The following CACNA2D1 variants were observed in gnomAD, a reference collection of about 807,000 sequenced individuals.
CACNA2D1 encodes voltage-dependent calcium channel subunit alpha-2/delta-1.
A neutral mutation model predicts 171.5 loss-of-function variants in CACNA2D1; 53 were observed. That is an observed-to-expected ratio of 0.31 (90% confidence interval 0.25 to 0.39). The LOEUF (loss-of-function observed/expected upper bound fraction) is 0.39. Ranked by LOEUF, CACNA2D1 falls within the 10% of genes least tolerant of loss-of-function variation. CACNA2D1 has a pLI of 1.00. For synonymous variants in CACNA2D1, 442 were observed against 443.1 expected (o/e 1.00, Z 0.03); for missense variants, 903 against 1,299.8 (o/e 0.69, Z 4.69).
intron 4 of CACNA2D1, among the ~76,000 whole-genome samples, chr7:82,157,877 C>T (rs1022549992): frequency 1.3e-5 from 2 of 151,922 alleles, no homozygotes; most frequent in South Asian, 2.1e-4. Context: ...TATTAGATTT[C>T]ACCAATTGTT....
intron 3 of CACNA2D1, among the ~76,000 whole-genome samples, chr7:82,300,062 T>C (rs1318092266): frequency 6.6e-6 from 1 of 152,094 alleles, no homozygotes; most frequent in Non-Finnish European, 1.5e-5. Flanking sequence ...ATAATACAGG[T>C]AGGTGTCTCT....
At chr7:82,121,617 T>C (rs1789744345) in intron 5 of CACNA2D1, among the ~76,000 whole-genome samples, 1 of 152,182 alleles carries the variant, frequency 6.6e-6, no homozygotes, top group Non-Finnish European at 1.5e-5. Flanking sequence ...AAGTATTTGG[T>C]AGATGAATAG....
At chr7:82,094,390 T>C (rs10269697) in intron 6 of CACNA2D1, among the ~76,000 whole-genome samples, 65,631 of 151,644 alleles carry the variant, frequency 0.43, 15,059 homozygotes, top group African/African-American at 0.58. Flanking sequence ...ATAGAGATTG[T>C]CCACATATAC....
intron 3 of CACNA2D1, among the ~76,000 whole-genome samples, chr7:82,194,903 G>A (rs1289883200): frequency 6.6e-6 from 1 of 151,908 alleles, no homozygotes; most frequent in Non-Finnish European, 1.5e-5. Flanking sequence ...AGAATGGGGG[G>A]CGGGGGAGAT....
chr7:82,256,138 G>A (rs1806270977), intron 3 of CACNA2D1, among the ~76,000 whole-genome samples: 1 of 152,078 alleles, frequency 6.6e-6, no homozygotes, highest in East Asian at 1.9e-4. Context: ...ATAGCCAGGC[G>A]TGGAGGTGGG....
At chr7:82,052,196 G>A (rs1260612173) in intron 10 of CACNA2D1, among the ~76,000 whole-genome samples, 1 of 152,122 alleles carries the variant, frequency 6.6e-6, no homozygotes, top group Non-Finnish European at 1.5e-5. Flanking sequence ...AGAAATGCAT[G>A]AGGTCTCTAA....
intron 6 of CACNA2D1, among the ~76,000 whole-genome samples, chr7:82,089,061 C>T (rs1810820647): frequency 6.6e-6 from 1 of 152,162 alleles, no homozygotes; most frequent in African/African-American, 2.4e-5. Context: ...CCTAACAGGT[C>T]AGGGACCCAG....
chr7:82,170,627 A>C lies in CACNA2D1; in HGVS notation c.295-18T>G. On this transcript the variant is annotated intron_variant, in intron 3 of 38. Transcript: ENST00000356860. ...GCCAGGCGCTGAAAAACAAACAATA[A>C]ATCTTAGAATTCAAATGAACACGTA... The C allele has an allele frequency of 6.2e-7, 1 of 1,610,248 alleles. No individual in the cohort carries two copies. Among genetic ancestry groups the C allele is most frequent in the Non-Finnish European group, 8.5e-7 (1 of 1,177,050 alleles).
intron 9 of CACNA2D1, 27 bp from the exon 10 acceptor site, chr7:82,060,554 A>G (rs375994477): frequency 1.6e-6 from 2 of 1,283,686 alleles, no homozygotes; most frequent in East Asian, 2.3e-5. Flanking sequence ...GGGTCCATAC[A>G]TGTTACTCAT....
chr7:82,060,629 T>C, intron 9 of CACNA2D1, 102 bp from the exon 10 acceptor site: 1 of 618,800 alleles, frequency 1.6e-6, no homozygotes, highest in East Asian at 3.1e-5. Flanking sequence ...ATCTTTTATA[T>C]ATTATTTAAA....
rs537244663 is a variant in CACNA2D1 at position 82,097,384 on chromosome 7, T to C, written c.527-12484A>G. Among the ~76,000 whole-genome samples the C allele has an allele frequency of 1.4e-4, 21 of 152,230 alleles. No homozygotes were observed. The South Asian group carries it at 4.1e-3, about 30-fold the overall frequency. ...TAGAGAAGAGAGAAAGCAGGTACCA[T>C]CAGACTGGTGAGGAGTAATACCATT... On this transcript the variant is annotated intron_variant, in intron 6 of 38. Transcript: ENST00000356860.
At chr7:82,420,460 C>A (rs1434208524) in intron 1 of CACNA2D1, among the ~76,000 whole-genome samples, 1 of 152,130 alleles carries the variant, frequency 6.6e-6, no homozygotes, top group Non-Finnish European at 1.5e-5. Context: ...TCATGCATTA[C>A]CAACTCATGA....
chr7:81,970,872 A>T, intron 26 of CACNA2D1, 135 bp from the exon 27 acceptor site: 1 of 665,586 alleles, frequency 1.5e-6, no homozygotes, highest in Non-Finnish European at 2.7e-6. Context: ...CTATGTTTTA[A>T]TAATTTAAAT....
At chr7:82,409,961 T>A (rs1280668900) in intron 1 of CACNA2D1, among the ~76,000 whole-genome samples, 1 of 152,174 alleles carries the variant, frequency 6.6e-6, no homozygotes, top group Non-Finnish European at 1.5e-5. Flanking sequence ...TGTAGGCAAC[T>A]GTAACATAAT....
At chr7:82,359,572 A>T (rs78812698) in intron 1 of CACNA2D1, among the ~76,000 whole-genome samples, 95 of 152,218 alleles carry the variant, frequency 6.2e-4, no homozygotes, top group African/African-American at 2.2e-3. Context: ...CTAAACTGAA[A>T]TCACCTCTCG....
At chr7:82,443,782 C>G (rs1320557894), upstream of CACNA2D1, 1 of 1,022,462 alleles carries the variant, frequency 9.8e-7, no homozygotes, top group Non-Finnish European at 1.3e-6. Flanking sequence ...CTCGCTCTCC[C>G]TCTCGGTTTC....
At chr7:82,359,536 T>C (rs1266381445) in intron 1 of CACNA2D1, among the ~76,000 whole-genome samples, 3 of 152,188 alleles carry the variant, frequency 2.0e-5, no homozygotes, top group African/African-American at 4.8e-5. Flanking sequence ...AGCTTTGTCA[T>C]GCTCTTTAAA....
At chr7:82,269,195 G>C (rs1290175599) in intron 3 of CACNA2D1, among the ~76,000 whole-genome samples, 3 of 151,944 alleles carry the variant, frequency 2.0e-5, no homozygotes, top group African/African-American at 4.8e-5. Context: ...TTCTTTAATA[G>C]TCTCCTTGGT....
chr7:82,061,687 T>C (rs1216296584), intron 9 of CACNA2D1, among the ~76,000 whole-genome samples: 2 of 152,132 alleles, frequency 1.3e-5, no homozygotes, highest in African/African-American at 4.8e-5. Context: ...CAGGAGATGG[T>C]GTTATTACTC....
Sources: allele counts gnomAD v4.1 joint callset (sites outside exome capture counted in the v4.1 genomes callset), GRCh38; gene constraint gnomAD v4.1.1; transcripts MANE v1.5; gene names NCBI Gene and HGNC (gene_info 2026-07-23, HGNC 2026-07-21).